ATP8B1: variants seen among roughly 807,000 people sequenced by gnomAD.
ATP8B1 encodes the protein phospholipid-transporting ATPase IC.
A neutral mutation model predicts 149.9 loss-of-function variants in ATP8B1; 80 were observed. The observed-to-expected ratio is 0.53, with a 90% CI of 0.45 to 0.64. The LOEUF is 0.64. Among genes scored for constraint, ATP8B1 ranks in the 30% least tolerant of loss-of-function variants. ATP8B1 has a pLI of 0.00. For missense variants in ATP8B1, 1,247 were observed against 1,552.6 expected (o/e 0.80, Z 3.31); for synonymous variants, 536 against 562.8 (o/e 0.95, Z 0.67).
chr18:57,778,227 T>A (rs776734157), intron 1 of ATP8B1, among the ~76,000 whole-genome samples: 1 of 140,606 alleles, frequency 7.1e-6, no homozygotes, highest in Non-Finnish European at 1.5e-5. Flanking sequence ...TTTTTCTTTT[T>A]CTTTTTTTTT....
chr18:57,771,631 A>G (rs1239141642), intron 1 of ATP8B1, among the ~76,000 whole-genome samples: 1 of 152,112 alleles, frequency 6.6e-6, no homozygotes, highest in African/African-American at 2.4e-5. Context: ...CAGGCCACAT[A>G]CAGCAGCAGG....
intron 22 of ATP8B1, 83 bp downstream of exon 22, chr18:57,661,091 A>G: frequency 6.5e-7 from 1 of 1,541,160 alleles, no homozygotes; most frequent in Non-Finnish European, 8.8e-7. Context: ...AAATCTAAAA[A>G]AAGAAAATCC....
At chr18:57,674,588 G>T (rs1470018990) in intron 16 of ATP8B1, among the ~76,000 whole-genome samples, 1 of 151,760 alleles carries the variant, frequency 6.6e-6, no homozygotes, top group African/African-American at 2.4e-5. Flanking sequence ...GGGTTTCACC[G>T]TGTTAGCCAG....
intron 1 of ATP8B1, chr18:57,735,362 T>A (rs1453387750): frequency 6.5e-6 from 1 of 153,716 alleles, no homozygotes; most frequent in Non-Finnish European, 1.4e-5. Flanking sequence ...GGTTTCGTCC[T>A]AATCAAGCTG....
chr18:57,680,585 A>AAAAACAAAACAAAAC (rs75854777), intron 15 of ATP8B1, among the ~76,000 whole-genome samples: 2 of 144,020 alleles, frequency 1.4e-5, no homozygotes, highest in Non-Finnish European at 3.0e-5. Context: ...ACTTGGTCTC[A>AAAAACAAAACAAAAC]AAAACAAAAC....
chr18:57,653,148 T>C (rs1218799996), intron 24 of ATP8B1, among the ~76,000 whole-genome samples: 1 of 152,190 alleles, frequency 6.6e-6, no homozygotes, highest in African/African-American at 2.4e-5. Flanking sequence ...TCTTTCTTTT[T>C]AAGAATTGGT....
chr18:57,789,872 G>A (rs535564183), intron 1 of ATP8B1, among the ~76,000 whole-genome samples: 5 of 152,246 alleles, frequency 3.3e-5, no homozygotes, highest in East Asian at 3.9e-4. Flanking sequence ...ACTGGCTTCC[G>A]AAGCGTTTCC....
intron 16 of ATP8B1, 69 bp from the exon 17 acceptor site, chr18:57,671,649 G>T: frequency 9.0e-7 from 1 of 1,107,700 alleles, no homozygotes; most frequent in Non-Finnish European, 1.4e-6. Context: ...TTGAGACAGG[G>T]TCTTGCTCTG....
At chr18:57,746,557 T>A (rs1316093269) in intron 1 of ATP8B1, among the ~76,000 whole-genome samples, 1 of 139,778 alleles carries the variant, frequency 7.2e-6, no homozygotes, top group African/African-American at 2.7e-5. Flanking sequence ...CACTACAACC[T>A]CCGCCTCCCT....
At chr18:57,700,440 G>T (rs537561577) in intron 6 of ATP8B1, among the ~76,000 whole-genome samples, 1 of 151,692 alleles carries the variant, frequency 6.6e-6, no homozygotes, top group East Asian at 1.9e-4. Flanking sequence ...ACGTCCACTG[G>T]GTATATCATT....
At position 57,658,625 on chromosome 18, in the gene ATP8B1, CTTTGTG is replaced by C. The variant is rs1254427037; in HGVS notation, c.2707+2543_2707+2548del. Among the ~76,000 whole-genome samples, 3 of 111,728 alleles carry C rather than the reference CTTTGTG, an allele frequency of 2.7e-5. No homozygotes were observed. The Admixed American group carries it at 2.9e-4, about 11-fold the overall frequency. 73.3% of individuals were successfully genotyped at this position (111,728 alleles called of 152,430 possible). A position where few individuals can be genotyped will look rare whatever the true frequency, so the allele number is the denominator to read the frequency against. ...TCGACTACTTTATGACCAACAATTT[CTTTGTG>C]TGTGTGTGTGTGTGTGTGTGTGTGT... On this transcript the variant is annotated intron_variant, in intron 22 of 27. Coordinates refer to ENST00000648908, the MANE Select transcript of ATP8B1 (RefSeq NM_001374385.1).
chr18:57,691,579 C>T (rs564556342), intron 12 of ATP8B1, among the ~76,000 whole-genome samples: 1 of 152,296 alleles, frequency 6.6e-6, no homozygotes, highest in East Asian at 1.9e-4. Context: ...CTTTGAAATT[C>T]CCTACCCTTA....
rs1349895511 is a variant in ATP8B1 at position 57,648,684 on chromosome 18, G to A, written c.3560C>T (p.Ala1187Val). 2 of 1,561,720 alleles carry A rather than the reference G, an allele frequency of 1.3e-6. No homozygotes were observed. The highest frequency in any genetic ancestry group is 3.9e-5 in the Admixed American group (2 of 51,948). ...CTGCCGTCGCTGCCACTGCTCCTCC[G>A]CCTTCAACCGCTTGCGATGCTTCTG... ...KIQKHRKRLK[A>V]EEQWQRRQQV... The change falls in exon 28 of 28, where the codon GCG (alanine) becomes GTG (valine). Residue 1187 changes from alanine to valine, a missense_variant. Coordinates refer to ENST00000648908, the MANE Select transcript of ATP8B1 (RefSeq NM_001374385.1).
At chr18:57,727,017 T>C (rs1006119152) in intron 2 of ATP8B1, among the ~76,000 whole-genome samples, 1 of 151,912 alleles carries the variant, frequency 6.6e-6, no homozygotes, top group African/African-American at 2.4e-5. Context: ...GAGGCGGAGG[T>C]TGCAGTGAGC....
At chr18:57,760,672 G>A (rs1449660731) in intron 1 of ATP8B1, among the ~76,000 whole-genome samples, 2 of 152,134 alleles carry the variant, frequency 1.3e-5, no homozygotes, top group Admixed American at 1.3e-4. Context: ...AAGGTAATAA[G>A]GAAGATACTT....
intron 25 of ATP8B1, 74 bp downstream of exon 25, chr18:57,652,410 T>G: frequency 1.2e-5 from 19 of 1,590,288 alleles, no homozygotes; most frequent in Non-Finnish European, 1.6e-5. Context: ...CAGGTGGATG[T>G]GCATGCCACC....
intron 1 of ATP8B1, among the ~76,000 whole-genome samples, chr18:57,773,200 T>TAA (rs530739448): frequency 0.012 from 1,513 of 125,524 alleles, 47 homozygotes; most frequent in Non-Finnish European, 0.014. Flanking sequence ...AGACTCTGTC[T>TAA]TAAAAAAAAA....
chr18:57,683,046 C>T (rs905871620), intron 15 of ATP8B1, among the ~76,000 whole-genome samples: 2 of 152,112 alleles, frequency 1.3e-5, no homozygotes, highest in African/African-American at 4.8e-5. Flanking sequence ...TCAGGCTGGT[C>T]TTGAACTCTT....
At chr18:57,798,081 G>A (rs1216428358) in intron 1 of ATP8B1, among the ~76,000 whole-genome samples, 1 of 152,032 alleles carries the variant, frequency 6.6e-6, no homozygotes, top group Non-Finnish European at 1.5e-5. Flanking sequence ...GAAGCAGAGA[G>A]GTAATTCCCC....
Sources: gnomAD v4.1 joint callset for allele counts (sites outside exome capture counted in the v4.1 genomes callset) on GRCh38, gnomAD v4.1.1 for gene constraint, MANE v1.5 for transcripts, NCBI Gene and HGNC (gene_info 2026-07-23, HGNC 2026-07-21) for gene names.